Variants in GPHN observed in about 807,000 individuals in gnomAD.
GPHN encodes the protein gephyrin.
Under a neutral mutation model 95.5 loss-of-function variants are expected in GPHN, and 17 were observed. The ratio of observed to expected loss-of-function variants is 0.18; its 90% confidence interval spans 0.12 to 0.27. The LOEUF (loss-of-function observed/expected upper bound fraction) is 0.27, where lower values mean the gene tolerates loss of function less well. Ranked by LOEUF, GPHN falls within the 10% of genes least tolerant of loss-of-function variation. GPHN has a pLI of 1.00. For synonymous variants in GPHN, 320 were observed against 322.5 expected, an observed-to-expected ratio of 0.99 and a Z score of 0.08; for missense variants, 660 against 978.1, an observed-to-expected ratio of 0.67 and a Z score of 4.34.
chr14:67,317,946 T>C, the GPHN span, among the ~76,000 whole-genome samples: 18 of 152,216 alleles, frequency 1.2e-4, no homozygotes, highest in Non-Finnish European at 2.6e-4. Flanking sequence ...GCTCTGATAA[T>C]GTTGGGCTAG....
the GPHN span, among the ~76,000 whole-genome samples, chr14:67,247,654 G>A: frequency 2.4e-4 from 36 of 151,944 alleles, no homozygotes; most frequent in African/African-American, 7.3e-4. Flanking sequence ...CACTGCTCAC[G>A]GCAGCCTCGA....
At chr14:66,848,266 G>C (rs1207326996) in intron 4 of GPHN, among the ~76,000 whole-genome samples, 1 of 152,060 alleles carries the variant, frequency 6.6e-6, no homozygotes, top group African/African-American at 2.4e-5. Context: ...AGCCGTAGTA[G>C]TACATGTATA....
chr14:67,268,467 AT>A, the GPHN span, among the ~76,000 whole-genome samples: 28 of 152,336 alleles, frequency 1.8e-4, no homozygotes, highest in East Asian at 3.7e-3. Flanking sequence ...TGGCTACTCC[AT>A]AGGCAGAACA....
At chr14:66,608,706 T>A (rs2062651983) in intron 1 of GPHN, among the ~76,000 whole-genome samples, 3 of 152,188 alleles carry the variant, frequency 2.0e-5, no homozygotes, top group Admixed American at 2.0e-4. Context: ...AGTTAAGTCT[T>A]CTTGTTGAAT....
intron 10 of GPHN, among the ~76,000 whole-genome samples, chr14:67,032,546 G>A (rs151108106): frequency 3.4e-4 from 51 of 152,172 alleles, no homozygotes; most frequent in African/African-American, 7.0e-4. Context: ...GGATGTCTGC[G>A]GGCCACTGAG....
chr14:66,667,468 G>A (rs1256528455), intron 1 of GPHN, among the ~76,000 whole-genome samples: 1 of 152,054 alleles, frequency 6.6e-6, no homozygotes, highest in Non-Finnish European at 1.5e-5. Flanking sequence ...ATAACCAAAG[G>A]AACAGAATAG....
intron 4 of GPHN, among the ~76,000 whole-genome samples, chr14:66,826,240 A>C (rs1314822872): frequency 1.3e-5 from 2 of 152,212 alleles, no homozygotes; most frequent in Admixed American, 1.3e-4. Flanking sequence ...TTAATACAAA[A>C]TGCTAGGCTG....
chr14:67,327,420 A>G, the GPHN span, among the ~76,000 whole-genome samples: 2 of 152,054 alleles, frequency 1.3e-5, no homozygotes, highest in Non-Finnish European at 1.5e-5. Context: ...TTCAGAGGCC[A>G]AGGAGGACGG....
At chr14:67,419,779 G>A in the GPHN span, among the ~76,000 whole-genome samples, 1 of 151,924 alleles carries the variant, frequency 6.6e-6, no homozygotes, top group Admixed American at 6.6e-5. Flanking sequence ...AACCTGGGAG[G>A]CGGAGCTTAC....
At chr14:67,687,466 C>CTTTTTTTTTTTT in the GPHN span, among the ~76,000 whole-genome samples, 1 of 116,706 alleles carries the variant, frequency 8.6e-6, no homozygotes. Flanking sequence ...CCTCCATATT[C>CTTTTTTTTTTTT]CTTTTTTTTT....
chr14:66,852,348 T>G (rs1337022706), intron 4 of GPHN, among the ~76,000 whole-genome samples: 2 of 152,242 alleles, frequency 1.3e-5, no homozygotes, highest in African/African-American at 2.4e-5. Context: ...TTGCCACTAT[T>G]ACGGTAGCTT....
At chr14:67,544,128 A>G in the GPHN span, among the ~76,000 whole-genome samples, 6 of 152,214 alleles carry the variant, frequency 3.9e-5, no homozygotes, top group Admixed American at 1.3e-4. Context: ...TAAAAATAAA[A>G]AATGGTCAGG....
At chr14:67,351,651 G>A in the GPHN span, among the ~76,000 whole-genome samples, 1 of 151,964 alleles carries the variant, frequency 6.6e-6, no homozygotes, top group Non-Finnish European at 1.5e-5. Flanking sequence ...TGGGACTACA[G>A]GTGCATGCCA....
chr14:66,771,286 C>T (rs942774899), intron 2 of GPHN, among the ~76,000 whole-genome samples: 2 of 152,180 alleles, frequency 1.3e-5, no homozygotes, highest in African/African-American at 2.4e-5. Context: ...TCCCTCCTTA[C>T]CTAGCTTACA....
At chr14:67,047,661 C>T (rs545082445) in intron 10 of GPHN, among the ~76,000 whole-genome samples, 19 of 152,238 alleles carry the variant, frequency 1.2e-4, no homozygotes, top group African/African-American at 4.6e-4. Flanking sequence ...CCATTGCACC[C>T]GACCCATTTC....
intron 5 of GPHN, among the ~76,000 whole-genome samples, chr14:66,882,902 C>T (rs1404118126): frequency 1.3e-5 from 2 of 150,082 alleles, no homozygotes; most frequent in African/African-American, 2.4e-5. Flanking sequence ...CTCTTTTGCT[C>T]CATGGTTCCT....
the GPHN span, among the ~76,000 whole-genome samples, chr14:67,486,271 G>A: frequency 6.6e-6 from 1 of 152,114 alleles, no homozygotes; most frequent in Non-Finnish European, 1.5e-5. Context: ...GAGATCTGAT[G>A]GGTTTTTGTT....
chr14:66,547,178 A>C (rs989914820), intron 1 of GPHN, among the ~76,000 whole-genome samples: 10 of 152,038 alleles, frequency 6.6e-5, no homozygotes, highest in Non-Finnish European at 1.3e-4. Context: ...AAGAAATCTT[A>C]GCTTTTTGTA....
intron 11 of GPHN, among the ~76,000 whole-genome samples, chr14:67,061,917 C>G (rs1434011450): frequency 6.6e-6 from 1 of 152,174 alleles, no homozygotes; most frequent in Non-Finnish European, 1.5e-5. Context: ...TAAGATGCTT[C>G]TCCTTTATGA....
Sources: allele counts gnomAD v4.1 joint callset (sites outside exome capture counted in the v4.1 genomes callset), GRCh38; gene constraint gnomAD v4.1.1; transcripts MANE v1.5; gene names NCBI Gene and HGNC (gene_info 2026-07-23, HGNC 2026-07-21).